CACNB4: variants seen among roughly 807,000 people sequenced by gnomAD.
The protein encoded by CACNB4 is calcium voltage-gated channel auxiliary subunit beta 4, also known as voltage-dependent L-type calcium channel subunit beta-4.
In CACNB4, 32 loss-of-function variants were observed where a neutral mutation model predicts 71.2. The observed-to-expected ratio is 0.45, with a 90% CI of 0.34 to 0.60. The LOEUF (loss-of-function observed/expected upper bound fraction) is 0.60. Among genes scored for constraint, CACNB4 ranks in the 20% least tolerant of loss-of-function variants. The pLI, the probability that CACNB4 is intolerant of heterozygous loss-of-function variation, is 0.01. For synonymous variants in CACNB4, 231 were observed against 236.9 expected, an observed-to-expected ratio of 0.97 and a Z score of 0.23; for missense variants, 464 against 647.9, an observed-to-expected ratio of 0.72 and a Z score of 3.08.
intron 2 of CACNB4, among the ~76,000 whole-genome samples, chr2:151,989,439 A>T (rs1470330471): frequency 6.6e-6 from 1 of 152,166 alleles, no homozygotes; most frequent in Non-Finnish European, 1.5e-5. Flanking sequence ...TTTCTAATAG[A>T]ACCTCGTCTT....
intron 2 of CACNB4, among the ~76,000 whole-genome samples, chr2:151,951,604 G>A (rs913767695): frequency 2.0e-5 from 3 of 152,176 alleles, no homozygotes; most frequent in African/African-American, 7.2e-5. Context: ...TCCAGGCAAG[G>A]GGAGACATGG....
At chr2:151,855,061 C>T (rs1348361163) in intron 11 of CACNB4, 163 bp downstream of exon 11, 3 of 450,382 alleles carry the variant, frequency 6.7e-6, no homozygotes, top group South Asian at 1.5e-4. Context: ...ATATTCTTCA[C>T]TATCTGAAAA....
chr2:152,042,986 G>A lies in CACNB4; in HGVS notation c.147+55344C>T, dbSNP rs1363795836. 2.0e-5 allele frequency among the ~76,000 whole-genome samples: 3 copies of A among 152,072 alleles called. No homozygotes were observed. The South Asian group carries it at 6.2e-4, about 32-fold the overall frequency. On this transcript the variant is annotated intron_variant, in intron 2 of 13. Transcript: ENST00000539935. ...TATATGCTAATTACAATGCATTAGC[G>A]TGCTAAAAGACACACCCACCAGCAC...
intron 2 of CACNB4, among the ~76,000 whole-genome samples, chr2:152,014,232 A>G (rs1683217900): frequency 6.6e-6 from 1 of 151,756 alleles, no homozygotes; most frequent in African/African-American, 2.4e-5. Flanking sequence ...CTGTAATCCC[A>G]GCTACTCCAG....
At chr2:152,040,281 C>T (rs1395877837) in intron 2 of CACNB4, among the ~76,000 whole-genome samples, 1 of 152,138 alleles carries the variant, frequency 6.6e-6, no homozygotes, top group African/African-American at 2.4e-5. Context: ...AATTCAATGA[C>T]ATCTAGAATC....
intron 2 of CACNB4, among the ~76,000 whole-genome samples, chr2:152,059,153 A>C (rs1685877170): frequency 1.3e-5 from 2 of 152,252 alleles, no homozygotes; most frequent in Admixed American, 1.3e-4. Context: ...CTGCTAGGAC[A>C]GTGCAGAAGG....
intron 2 of CACNB4, among the ~76,000 whole-genome samples, chr2:151,906,497 G>A (rs1397465378): frequency 1.3e-5 from 2 of 152,170 alleles, no homozygotes; most frequent in African/African-American, 4.8e-5. Flanking sequence ...TATCTATGAA[G>A]CCACTAACTT....
At chr2:152,050,966 A>C (rs1685398388) in intron 2 of CACNB4, among the ~76,000 whole-genome samples, 1 of 151,846 alleles carries the variant, frequency 6.6e-6, no homozygotes, top group African/African-American at 2.4e-5. Flanking sequence ...ACAAGGTTTC[A>C]CCATGTTGCC....
rs914418605 is a variant in CACNB4 at position 152,048,007 on chromosome 2, CCTAA to C, written c.147+50319_147+50322del. On this transcript the variant is annotated intron_variant, in intron 2 of 13. Coordinates refer to ENST00000539935, the MANE Select transcript of CACNB4 (RefSeq NM_000726.5). ...TCTGTTTGGCACCCTGCCACAAACG[CCTAA>C]CTTTCTCTCCCTGCAAATCCTAGTA... is the stretch of plus-strand genomic sequence containing the variant. Among the ~76,000 whole-genome samples, 6 of 152,352 alleles carry C rather than the reference CCTAA, an allele frequency of 3.9e-5. No homozygotes were observed. In the South Asian group the frequency reaches 1.2e-3, roughly 32 times the overall value.
intron 2 of CACNB4, among the ~76,000 whole-genome samples, chr2:152,022,593 G>T (rs1363209081): frequency 6.6e-6 from 1 of 152,126 alleles, no homozygotes; most frequent in East Asian, 1.9e-4. Context: ...AAATATGCTT[G>T]ATTTGCATAT....
chr2:151,997,040 T>A (rs6707427), intron 2 of CACNB4, among the ~76,000 whole-genome samples: 134,171 of 152,150 alleles, frequency 0.88, 60,466 homozygotes, highest in Non-Finnish European at 0.98. Context: ...ACTATGAAAA[T>A]GTTAAGTAAA....
chr2:151,978,678 G>A (rs1404944619), intron 2 of CACNB4, among the ~76,000 whole-genome samples: 1 of 152,168 alleles, frequency 6.6e-6, no homozygotes, highest in East Asian at 1.9e-4. Context: ...GGGCTGCTAT[G>A]GTAGTTCTCA....
At chr2:151,928,860 T>A (rs530130234) in intron 2 of CACNB4, among the ~76,000 whole-genome samples, 1 of 150,290 alleles carries the variant, frequency 6.7e-6, no homozygotes, top group Non-Finnish European at 1.5e-5. Flanking sequence ...TGCAATGAGC[T>A]GAGATTGTGC....
At chr2:152,015,569 T>A (rs575368556) in intron 2 of CACNB4, among the ~76,000 whole-genome samples, 25 of 152,284 alleles carry the variant, frequency 1.6e-4, no homozygotes, top group Admixed American at 1.2e-3. Context: ...AGGCAAGACA[T>A]GGGATTTGCT....
chr2:151,874,714 A>G (rs2099845512), intron 5 of CACNB4, among the ~76,000 whole-genome samples: 1 of 152,226 alleles, frequency 6.6e-6, no homozygotes, highest in Admixed American at 6.5e-5. Context: ...GAGGGTCAAG[A>G]GAAAGAGCTG....
At chr2:152,039,055 G>A (rs755041938) in intron 2 of CACNB4, among the ~76,000 whole-genome samples, 22 of 152,152 alleles carry the variant, frequency 1.4e-4, no homozygotes, top group Non-Finnish European at 3.2e-4. Flanking sequence ...TGGTTTAGCT[G>A]TATAAGCAAA....
At chr2:151,888,432 T>C (rs1041002946) in intron 2 of CACNB4, among the ~76,000 whole-genome samples, 2 of 151,824 alleles carry the variant, frequency 1.3e-5, no homozygotes, top group African/African-American at 4.8e-5. Flanking sequence ...TTAGGCATGA[T>C]AGTGTGTACT....
intron 11 of CACNB4, 38 bp downstream of exon 11, chr2:151,855,186 T>C (rs2099839966): frequency 7.0e-7 from 1 of 1,418,694 alleles, no homozygotes; most frequent in Non-Finnish European, 9.6e-7. Flanking sequence ...TTTTAAAAGA[T>C]GCACTTCTAA....
At chr2:151,946,273 G>A (rs2099865580) in intron 2 of CACNB4, among the ~76,000 whole-genome samples, 1 of 151,584 alleles carries the variant, frequency 6.6e-6, no homozygotes, top group African/African-American at 2.4e-5. Flanking sequence ...AGGTTGCAGT[G>A]AGCCAAGATT....
Sources: gnomAD v4.1 joint callset for allele counts (sites outside exome capture counted in the v4.1 genomes callset) on GRCh38, gnomAD v4.1.1 for gene constraint, MANE v1.5 for transcripts, NCBI Gene and HGNC (gene_info 2026-07-23, HGNC 2026-07-21) for gene names.